The following ARHGEF38 variants were observed in gnomAD, a reference collection of about 807,000 sequenced individuals.
ARHGEF38 encodes the protein Rho guanine nucleotide exchange factor 38, also known as Rho guanine nucleotide exchange factor (GEF) 38.
Under a neutral mutation model 79.9 loss-of-function variants are expected in ARHGEF38, and 79 were observed. The ratio of observed to expected loss-of-function variants is 0.99; its 90% CI spans 0.82 to 1.19. ARHGEF38 has a LOEUF of 1.19. Ranked by LOEUF, ARHGEF38 falls within the 50% of genes most tolerant of loss-of-function variation. ARHGEF38 has a pLI of 0.00. For missense variants in ARHGEF38, 962 were observed against 907.2 expected, an observed-to-expected ratio of 1.06 and a Z score of -0.78; for synonymous variants, 366 against 328.3, an observed-to-expected ratio of 1.11 and a Z score of -1.24.
intron 2 of ARHGEF38, among the ~76,000 whole-genome samples, chr4:105,592,047 C>A (rs2110462225): frequency 6.6e-6 from 1 of 152,300 alleles, no homozygotes; most frequent in East Asian, 1.9e-4. Context: ...ATGCACATAG[C>A]ATCAGACTCT....
intron 1 of ARHGEF38, chr4:105,561,669 A>G (rs1441151507): frequency 2.6e-5 from 4 of 151,998 alleles, no homozygotes; most frequent in African/African-American, 9.7e-5. Context: ...CCTTTCCTCT[A>G]CCCTCTTAAA....
At chr4:105,671,460 G>C (rs12512339) in intron 13 of ARHGEF38, among the ~76,000 whole-genome samples, 102,446 of 152,150 alleles carry the variant, frequency 0.67, 38,432 homozygotes, top group East Asian at 0.92. Flanking sequence ...TGGGCCAGTG[G>C]TTTCCAGACT....
intron 2 of ARHGEF38, among the ~76,000 whole-genome samples, chr4:105,606,327 A>C (rs1728039388): frequency 6.6e-6 from 1 of 151,982 alleles, no homozygotes; most frequent in Non-Finnish European, 1.5e-5. Context: ...AGTGCTGTTT[A>C]TTTTCTCCCT....
At chr4:105,676,754 T>C (rs1383299271) in intron 13 of ARHGEF38, among the ~76,000 whole-genome samples, 1 of 152,072 alleles carries the variant, frequency 6.6e-6, no homozygotes, top group East Asian at 1.9e-4. Flanking sequence ...ATAAATTTAA[T>C]ACATTGTCAT....
chr4:105,626,515 C>T (rs560180227), intron 3 of ARHGEF38, among the ~76,000 whole-genome samples: 3 of 152,264 alleles, frequency 2.0e-5, no homozygotes, highest in South Asian at 4.2e-4. Flanking sequence ...TGTCACACAT[C>T]GAGTAAATGG....
chr4:105,634,296 G>A (rs532771209), intron 4 of ARHGEF38, among the ~76,000 whole-genome samples: 45 of 152,256 alleles, frequency 3.0e-4, no homozygotes, highest in African/African-American at 1.1e-3. Context: ...TAACTACAGA[G>A]TTTGGAGACC....
In ARHGEF38 at chr4:105,630,984, G is replaced by A; in HGVS notation, c.595G>A (p.Glu199Lys). ...CCATGATGAAGCACATAGTATACTG[G>A]AGTCCTATGAAAAGGAAGAAGAGCT... ...YHHDEAHSIL[E>K]SYEKEEELKE... is the part of the protein sequence containing the mutation. The change falls in exon 4 of 14, where the codon GAG (glutamate) becomes AAG (lysine). Residue 199 changes from glutamate to lysine, a missense_variant. Physicochemically the swap from Glu to Lys is moderately conservative, Grantham distance 56. Coordinates refer to ENST00000420470, the MANE Select transcript of ARHGEF38 (RefSeq NM_001242729.2). The A allele has an allele frequency of 1.9e-6, 3 of 1,613,824 alleles. No individual in the cohort carries two copies. The highest frequency in any genetic ancestry group is 1.7e-6 in the Non-Finnish European group (2 of 1,179,882).
intron 2 of ARHGEF38, among the ~76,000 whole-genome samples, chr4:105,609,880 T>A (rs1728215074): frequency 6.6e-6 from 1 of 152,128 alleles, no homozygotes; most frequent in Non-Finnish European, 1.5e-5. Flanking sequence ...GGAATATTAA[T>A]CATTCTACTA....
intron 2 of ARHGEF38, among the ~76,000 whole-genome samples, chr4:105,598,669 ACT>A (rs1396874315): frequency 6.6e-6 from 1 of 151,686 alleles, no homozygotes; most frequent in Non-Finnish European, 1.5e-5. Context: ...CCAGGTTAGA[ACT>A]CCATTTTTTT....
At chr4:105,626,783 A>C (rs1200937259) in intron 3 of ARHGEF38, among the ~76,000 whole-genome samples, 1 of 151,964 alleles carries the variant, frequency 6.6e-6, no homozygotes, top group Non-Finnish European at 1.5e-5. Flanking sequence ...TTTCAGGTGA[A>C]AGTTTCACCT....
chr4:105,624,286 G>T (rs1728856039), intron 3 of ARHGEF38, among the ~76,000 whole-genome samples: 1 of 152,218 alleles, frequency 6.6e-6, no homozygotes, highest in Non-Finnish European at 1.5e-5. Flanking sequence ...GCCTCAGGAA[G>T]TGTGGAGTTA....
At chr4:105,574,872 A>G (rs1726414327) in intron 1 of ARHGEF38, among the ~76,000 whole-genome samples, 1 of 152,150 alleles carries the variant, frequency 6.6e-6, no homozygotes, top group African/African-American at 2.4e-5. Context: ...CCCATATAGA[A>G]TAATGGTGTC....
rs182413652 is a variant in ARHGEF38 at position 105,567,418 on chromosome 4, A to G, written c.196+14457A>G. On this transcript the variant is annotated intron_variant, in intron 1 of 13. Transcript: ENST00000420470. ...ATTAAAGCAGTTTTCACAGAAACAT[A>G]CACATGGTATTTTACCCTCATATTT... is the stretch of plus-strand genomic sequence containing the variant. 1.4e-3 allele frequency among the ~76,000 whole-genome samples: 220 copies of G among 152,338 alleles called. 1 individual carries two copies. Among genetic ancestry groups the G allele is most frequent in the Non-Finnish European group, 2.2e-3 (149 of 68,034 alleles).
At position 105,632,214 on chromosome 4, in the gene ARHGEF38, G is replaced by T. The variant is rs143541016; in HGVS notation, c.656+1169G>T. ...AATTTCAACTTTATTGCCGTCTACT[G>T]GTCATTAAATTACTGCAGTTTTAAA... On this transcript the variant is annotated intron_variant, in intron 4 of 13. Transcript: ENST00000420470. 5.5e-3 allele frequency among the ~76,000 whole-genome samples: 839 copies of T among 152,050 alleles called. 2 individuals are homozygous for T. Among genetic ancestry groups the T allele is most frequent in the Middle Eastern group, 0.031 (9 of 294 alleles).
intron 3 of ARHGEF38, among the ~76,000 whole-genome samples, chr4:105,616,946 A>T (rs182106955): frequency 6.6e-6 from 1 of 152,230 alleles, no homozygotes. Flanking sequence ...TTCCTAGATT[A>T]ATTACATTCA....
chr4:105,648,439 C>T (rs1401509176), intron 6 of ARHGEF38, 110 bp from the exon 7 acceptor site: 6 of 1,041,614 alleles, frequency 5.8e-6, no homozygotes, highest in Non-Finnish European at 7.8e-6. Context: ...GCTCAAAAAT[C>T]ATATACATAT....
intron 3 of ARHGEF38, among the ~76,000 whole-genome samples, chr4:105,626,633 G>T (rs1246806614): frequency 3.3e-5 from 5 of 151,934 alleles, no homozygotes; most frequent in African/African-American, 1.2e-4. Flanking sequence ...TATTATAGAA[G>T]ACTTTCAGTT....
intron 10 of ARHGEF38, among the ~76,000 whole-genome samples, 163 bp downstream of exon 10, chr4:105,659,528 G>A (rs1036777896): frequency 1.3e-5 from 2 of 152,082 alleles, no homozygotes; most frequent in Non-Finnish European, 2.9e-5. Flanking sequence ...TTCCTTATCT[G>A]TCTTATCCAT....
chr4:105,574,619 C>G (rs929800490), intron 1 of ARHGEF38, among the ~76,000 whole-genome samples: 2 of 151,066 alleles, frequency 1.3e-5, no homozygotes, highest in Non-Finnish European at 2.9e-5. Flanking sequence ...AGAAGAGAAG[C>G]CTTCAGTCTT....
Sources: gnomAD v4.1 joint callset for allele counts (sites outside exome capture counted in the v4.1 genomes callset) on GRCh38, gnomAD v4.1.1 for gene constraint, MANE v1.5 for transcripts, NCBI Gene and HGNC (gene_info 2026-07-23, HGNC 2026-07-21) for gene names.